ZBTB45: variants seen among roughly 807,000 people sequenced by gnomAD.
ZBTB45 encodes the protein zinc finger and BTB domain-containing protein 45.
ZBTB45 carries 22 observed loss-of-function variants against 28.4 expected under a neutral mutation model. The observed-to-expected ratio is 0.77, with a 90% CI of 0.55 to 1.10. ZBTB45 has a LOEUF of 1.10. Among genes scored for constraint, ZBTB45 ranks in the 50% least tolerant of loss-of-function variants. ZBTB45 has a pLI of 0.00. For synonymous variants in ZBTB45, 361 were observed against 332.3 expected (o/e 1.09, Z -0.94); for missense variants, 656 against 750.2 (o/e 0.87, Z 1.47).
chr19:58,537,861 GA>G (rs1247249865), intron 1 of ZBTB45, among the ~76,000 whole-genome samples: 1 of 60,028 alleles, frequency 1.7e-5, no homozygotes, highest in Non-Finnish European at 3.3e-5. Context: ...TTTTGAGACA[GA>G]GTTTCACTCT....
At chr19:58,523,224 T>C (rs2053587756), upstream of ZBTB45, among the ~76,000 whole-genome samples, 1 of 152,074 alleles carries the variant, frequency 6.6e-6, no homozygotes, top group Non-Finnish European at 1.5e-5. Flanking sequence ...TATTTTCCTT[T>C]TCTCTCTAAA....
chr19:58,520,789 C>T (rs1419859739), upstream of ZBTB45, among the ~76,000 whole-genome samples: 3 of 152,140 alleles, frequency 2.0e-5, no homozygotes, highest in Admixed American at 6.6e-5. Flanking sequence ...GGCGCAGTGG[C>T]TCATGCCTGT....
intron 1 of ZBTB45, among the ~76,000 whole-genome samples, chr19:58,528,218 A>G (rs1352818167): frequency 6.6e-6 from 1 of 152,170 alleles, no homozygotes; most frequent in African/African-American, 2.4e-5. Flanking sequence ...TAGCAGTAAC[A>G]TCAGACTAGG....
intron 1 of ZBTB45, among the ~76,000 whole-genome samples, chr19:58,537,206 C>T (rs2053664689): frequency 6.6e-6 from 1 of 152,108 alleles, no homozygotes. Flanking sequence ...GGTGTCCTGG[C>T]ACTTGCTGAA....
At chr19:58,524,289 C>T (rs1011681106), upstream of ZBTB45, among the ~76,000 whole-genome samples, 3 of 150,922 alleles carry the variant, frequency 2.0e-5, no homozygotes, top group East Asian at 2.0e-4. Context: ...ACCTTGAACC[C>T]GGGAGGCGGT....
chr19:58,519,413 GA>G lies in ZBTB45; in HGVS notation c.-1+328del, dbSNP rs540417215. On this transcript the variant is annotated intron_variant, in intron 1 of 2. Transcript: ENST00000594051. ...CCGCAAGGCCGGCCTGGACACTTCAGAACAAAGGCCTGCACTCGAGACCCGG... is the reference window on the plus strand; with the variant it reads ...CCGCAAGGCCGGCCTGGACACTTCAGACAAAGGCCTGCACTCGAGACCCGG... 5.0e-3 allele frequency: 767 copies of G among 152,596 alleles called. 4 individuals carry two copies. Among genetic ancestry groups the G allele is most frequent in the Non-Finnish European group, 7.2e-3 (493 of 68,234 alleles). 9.5% of individuals were successfully genotyped at this position (152,596 alleles called of 1,614,324 possible). A position where few individuals can be genotyped will look rare whatever the true frequency, so the allele number is the denominator to read the frequency against.
rs1354356173 is a variant in ZBTB45, at chr19:58,513,583, G to A, written c.*471C>T. 3 of 158,924 alleles carry A rather than the reference G, an allele frequency of 1.9e-5. No homozygotes were observed. The highest frequency in any genetic ancestry group is 4.1e-5 in the Non-Finnish European group (3 of 72,876). The allele number at this position is 158,924 out of a possible 1,614,324, so 9.8% of individuals were successfully genotyped here. A position where few individuals can be genotyped will look rare whatever the true frequency, so the allele number is the denominator to read the frequency against. On this transcript the variant is annotated 3_prime_UTR_variant, in exon 3 of 3. Coordinates refer to ENST00000594051, the MANE Select transcript of ZBTB45 (RefSeq NM_001316979.2). ...TCCTTTATTAGAGCGAGAGTCCCGA[G>A]GCCCAGCCCCCATATATGATGGGTC...
chr19:58,523,663 A>G (rs1483697299), upstream of ZBTB45, among the ~76,000 whole-genome samples: 1 of 147,064 alleles, frequency 6.8e-6, no homozygotes, highest in Non-Finnish European at 1.5e-5. Flanking sequence ...GCAAGACTCC[A>G]TCTTTTTTGT....
At chr19:58,537,998 C>T (rs929666009) in intron 1 of ZBTB45, among the ~76,000 whole-genome samples, 1 of 152,014 alleles carries the variant, frequency 6.6e-6, no homozygotes, top group South Asian at 2.1e-4. Flanking sequence ...CCACCACGCC[C>T]GGCTAATTTT....
At chr19:58,538,081 G>A (rs2053670230) in intron 1 of ZBTB45, among the ~76,000 whole-genome samples, 1 of 151,980 alleles carries the variant, frequency 6.6e-6, no homozygotes, top group Non-Finnish European at 1.5e-5. Context: ...CAGGTGATCC[G>A]CCCACCTCGG....
At chr19:58,532,032 T>C (rs980085337) in intron 1 of ZBTB45, among the ~76,000 whole-genome samples, 11 of 151,862 alleles carry the variant, frequency 7.2e-5, no homozygotes, top group African/African-American at 2.7e-4. Context: ...TCCTCCCCCC[T>C]CCTTCCTTTC....
chr19:58,513,990 C>A lies in ZBTB45; in HGVS notation c.*64G>T. 1 of 1,347,920 alleles carries A rather than the reference C, an allele frequency of 7.4e-7. No homozygotes were observed. Among genetic ancestry groups the A allele is most frequent in the Admixed American group, 3.9e-5 (1 of 25,502 alleles). 83.5% of individuals were successfully genotyped at this position (1,347,920 alleles called of 1,614,324 possible). Reference sequence around the variant, plus strand: ...GTGGCGGGAACCACGGGTCCCGCAGCGGGCGTGGCCGACTGTGCGGGAGGC... The same window carrying A: ...GTGGCGGGAACCACGGGTCCCGCAGAGGGCGTGGCCGACTGTGCGGGAGGC... On this transcript the variant is annotated 3_prime_UTR_variant, in exon 3 of 3. Coordinates refer to ENST00000594051, the MANE Select transcript of ZBTB45 (RefSeq NM_001316979.2).
Position 58,514,206 on chromosome 19 carries a change from C to T in ZBTB45, c.1384G>A (p.Ala462Thr), listed in dbSNP as rs768855701. Residue 462 changes from alanine (A) to threonine (T), a missense_variant, in exon 3 of 3, where the codon GCC becomes ACC. This residue lies in a region of ZBTB45 where 103 missense variants were observed against 153.5 expected (regional missense o/e 0.67). Transcript: ENST00000594051. The stretch of plus-strand genomic sequence containing the variant: ...TGCGTGAAGCGCTTGGCGCAGACGG[C>T]GCACTGGAAGGCGCGCACGCCGGTG... The part of the protein sequence containing the change: ...THTGVRAFQC[A>T]VCAKRFTQKS... The T allele has an allele frequency of 1.3e-5, 21 of 1,612,238 alleles. No homozygotes were observed. Among genetic ancestry groups the T allele is most frequent in the Non-Finnish European group, 1.7e-5 (20 of 1,179,572 alleles).
At chr19:58,525,729 CA>C (rs1400036962) in intron 1 of ZBTB45, among the ~76,000 whole-genome samples, 4 of 152,332 alleles carry the variant, frequency 2.6e-5, no homozygotes, top group African/African-American at 9.6e-5. Flanking sequence ...GGAAAATTTA[CA>C]ACCGAGAAAA....
At chr19:58,521,722 A>G (rs2053579876), upstream of ZBTB45, among the ~76,000 whole-genome samples, 1 of 152,150 alleles carries the variant, frequency 6.6e-6, no homozygotes, top group Non-Finnish European at 1.5e-5. Context: ...CATCTGATGA[A>G]CGCATTCCTC....
upstream of ZBTB45, among the ~76,000 whole-genome samples, chr19:58,521,077 AAAAAAG>A (rs1314670323): frequency 3.3e-4 from 44 of 132,046 alleles, 2 homozygotes; most frequent in African/African-American, 9.0e-4. Context: ...AAAAAAAAAA[AAAAAAG>A]GCCGGGCGCG....
At chr19:58,523,186 G>A (rs149019212), upstream of ZBTB45, among the ~76,000 whole-genome samples, 29 of 152,180 alleles carry the variant, frequency 1.9e-4, no homozygotes, top group African/African-American at 6.3e-4. Context: ...AAGCAGCCAA[G>A]GGAGGTGAGA....
chr19:58,514,705 C>T (rs2053467911), intron 2 of ZBTB45, among the ~76,000 whole-genome samples: 1 of 152,132 alleles, frequency 6.6e-6, no homozygotes, highest in Admixed American at 6.5e-5. Context: ...ATCTGTTGGC[C>T]ATCTGGACTG....
chr19:58,518,047 A>T (rs1382780690), intron 1 of ZBTB45, among the ~76,000 whole-genome samples: 1 of 12,554 alleles, frequency 8.0e-5, no homozygotes, highest in East Asian at 1.6e-3. Context: ...AAGCCTCCCC[A>T]TGTGCCCCTC....
Sources: allele counts gnomAD v4.1 joint callset (sites outside exome capture counted in the v4.1 genomes callset), GRCh38; gene constraint gnomAD v4.1.1; regional missense constraint gnomAD v4.1.1; transcripts MANE v1.5; gene names NCBI Gene and HGNC (gene_info 2026-07-23, HGNC 2026-07-21).